The following SPTBN1 variants were observed in gnomAD, a reference collection of about 807,000 sequenced individuals.
SPTBN1 encodes spectrin beta, non-erythrocytic 1.
Under a neutral mutation model 266.4 loss-of-function variants are expected in SPTBN1, and 32 were observed. The observed-to-expected ratio is 0.12, with a 90% CI of 0.09 to 0.16. The LOEUF is 0.16. Among genes scored for constraint, SPTBN1 ranks in the 10% least tolerant of loss-of-function variants. SPTBN1 has a pLI of 1.00. For missense variants in SPTBN1, 2,296 were observed against 3,067.1 expected (o/e 0.75, Z 5.94); for synonymous variants, 1,336 against 1,162.2 (o/e 1.15, Z -3.04).
chr2:54,583,295 T>C (rs892675492), intron 2 of SPTBN1, among the ~76,000 whole-genome samples: 4 of 152,176 alleles, frequency 2.6e-5, no homozygotes. Flanking sequence ...CTGGTGTCAG[T>C]AAACTGTAAA....
intron 17 of SPTBN1, among the ~76,000 whole-genome samples, chr2:54,637,107 T>C (rs1679202015): frequency 1.3e-5 from 2 of 152,248 alleles, no homozygotes; most frequent in South Asian, 4.1e-4. Context: ...TTTCCAGTTC[T>C]TACAAGTTAT....
chr2:54,645,882 T>G lies in SPTBN1; in HGVS notation c.4495-46T>G. Reference sequence around the variant, plus strand: ...CTCACTGCTCGTTTGTGTCGTATATTTGTTCCTCTGAGTGGATCTGACCAC... The same window carrying G: ...CTCACTGCTCGTTTGTGTCGTATATGTGTTCCTCTGAGTGGATCTGACCAC... On this transcript the variant is annotated intron_variant, in intron 21 of 35. Coordinates refer to ENST00000356805, the MANE Select transcript of SPTBN1 (RefSeq NM_003128.3). The surrounding 1 kb of genome is among the most constrained non-coding windows in gnomAD (Gnocchi z 4.3). 6.2e-7 allele frequency: 1 copy of G among 1,602,840 alleles called. No homozygotes were observed. The highest frequency in any genetic ancestry group is 8.5e-7 in the Non-Finnish European group (1 of 1,170,110).
chr2:54,618,405 A>C (rs1181083433), intron 7 of SPTBN1, among the ~76,000 whole-genome samples: 2 of 152,248 alleles, frequency 1.3e-5, no homozygotes, highest in Non-Finnish European at 2.9e-5. Context: ...TCTGAAGGAG[A>C]GCGTGTGCGG....
chr2:54,616,141 G>A (rs554652946), intron 4 of SPTBN1, 66 bp from the exon 5 acceptor site: 3 of 1,386,310 alleles, frequency 2.2e-6, no homozygotes, highest in Non-Finnish European at 2.0e-6. Flanking sequence ...ATGCAGACCT[G>A]TTCTTCAGTG....
intron 24 of SPTBN1, 62 bp downstream of exon 24, chr2:54,647,323 C>A: frequency 6.3e-7 from 1 of 1,577,064 alleles, no homozygotes; most frequent in Non-Finnish European, 8.6e-7. Flanking sequence ...GGGTCTCTTG[C>A]TAACCCCCAC....
At chr2:54,497,966 GA>G (rs1164670606) in intron 1 of SPTBN1, among the ~76,000 whole-genome samples, 3 of 151,886 alleles carry the variant, frequency 2.0e-5, no homozygotes, top group South Asian at 2.1e-4. Flanking sequence ...AATAACAAAG[GA>G]AAAAAACAAG....
At chr2:54,621,622 C>G in intron 8 of SPTBN1, 110 bp downstream of exon 8, 1 of 755,344 alleles carries the variant, frequency 1.3e-6, no homozygotes, top group Non-Finnish European at 2.3e-6. Context: ...GTGGACTCTC[C>G]GGATGGTAGG....
At chr2:54,461,144 C>T (rs140765353) in intron 1 of SPTBN1, among the ~76,000 whole-genome samples, 1 of 152,170 alleles carries the variant, frequency 6.6e-6, no homozygotes, top group African/African-American at 2.4e-5. Context: ...ATTCCCTTCT[C>T]TATGGTTTAT....
chr2:54,578,847 C>G (rs1045281245), intron 2 of SPTBN1, among the ~76,000 whole-genome samples: 1 of 151,592 alleles, frequency 6.6e-6, no homozygotes, highest in Non-Finnish European at 1.5e-5. Context: ...TCATAAGATT[C>G]CTAATAGGAT....
In SPTBN1 at chr2:54,630,941, A is replaced by G. The variant is rs769180098; in HGVS notation, c.2894A>G (p.Asn965Ser). 1.2e-6 allele frequency: 2 copies of G among 1,614,138 alleles called. No individual in the cohort carries two copies. The highest frequency in any genetic ancestry group is 1.1e-5 in the South Asian group (1 of 91,066). The change falls in exon 16 of 36, where the codon AAT becomes AGT. Residue 965 changes from asparagine to serine, a missense_variant. This residue lies in a region of SPTBN1 where 128 missense variants were observed against 176.5 expected (regional missense o/e 0.73). Coordinates refer to ENST00000356805, the MANE Select transcript of SPTBN1 (RefSeq NM_003128.3). ...LSIQNYHLECNETKSWIREKT... is the reference protein window; with the variant it reads ...LSIQNYHLECSETKSWIREKT... ...ATCCAGAACTACCACCTCGAGTGCA[A>G]TGAAACCAAATCCTGGATTCGGGAA...
intron 1 of SPTBN1, among the ~76,000 whole-genome samples, chr2:54,507,052 G>C (rs1669608848): frequency 6.6e-6 from 1 of 152,124 alleles, no homozygotes; most frequent in South Asian, 2.1e-4. Flanking sequence ...GGGGCAGGGG[G>C]TGGATCTCAC....
At chr2:54,498,886 G>A (rs1269538701) in intron 1 of SPTBN1, among the ~76,000 whole-genome samples, 2 of 152,168 alleles carry the variant, frequency 1.3e-5, no homozygotes, top group African/African-American at 2.4e-5. Flanking sequence ...TAACGGTCCC[G>A]CAGTGTTTTC....
At chr2:54,617,515 C>CT in intron 5 of SPTBN1, 93 bp from the exon 6 acceptor site, 1 of 1,161,622 alleles carries the variant, frequency 8.6e-7, no homozygotes, top group Non-Finnish European at 1.3e-6. Flanking sequence ...TTTTACAATG[C>CT]TTACAGACTT....
chr2:54,564,698 G>A (rs961696668), intron 2 of SPTBN1, among the ~76,000 whole-genome samples: 6 of 152,162 alleles, frequency 3.9e-5, no homozygotes. Flanking sequence ...TTGAGGTTCA[G>A]TTCAGATGCC....
intron 2 of SPTBN1, among the ~76,000 whole-genome samples, chr2:54,589,702 C>A (rs1198783881): frequency 6.6e-6 from 1 of 152,198 alleles, no homozygotes; most frequent in Non-Finnish European, 1.5e-5. Context: ...GGACTTCAGT[C>A]AAAAGATTAG....
At chr2:54,557,263 C>T (rs1672936720) in intron 2 of SPTBN1, among the ~76,000 whole-genome samples, 1 of 152,060 alleles carries the variant, frequency 6.6e-6, no homozygotes, top group African/African-American at 2.4e-5. Context: ...GGTGGGGGAC[C>T]ACGTCTTTAC....
Position 54,458,459 on chromosome 2 carries a change from A to G in SPTBN1, c.-48+1941A>G, listed in dbSNP as rs149825286. On this transcript the variant is annotated intron_variant, in intron 1 of 35. Transcript: ENST00000356805. ...GGGCTAAATTGGTATTCAGATTTCT[A>G]TTGATTGAGGTAGCCAAGTTAAGTG... 5.9e-3 allele frequency among the ~76,000 whole-genome samples: 898 copies of G among 152,286 alleles called. 29 individuals carry two copies. The East Asian group carries it at 0.068, about 12-fold the overall frequency.
intron 1 of SPTBN1, among the ~76,000 whole-genome samples, chr2:54,468,638 A>G (rs1426045242): frequency 6.6e-6 from 1 of 152,266 alleles, no homozygotes; most frequent in African/African-American, 2.4e-5. Flanking sequence ...GGGATGTTAA[A>G]GAAAAATGGA....
At chr2:54,522,678 G>GAGA (rs370803474) in intron 1 of SPTBN1, among the ~76,000 whole-genome samples, 55 of 78,380 alleles carry the variant, frequency 7.0e-4, no homozygotes, top group South Asian at 3.2e-3. Context: ...GAGAGAGAGA[G>GAGA]GAGAGAGAGA....
Sources: gnomAD v4.1 joint callset for allele counts (sites outside exome capture counted in the v4.1 genomes callset) on GRCh38, gnomAD v4.1.1 for gene constraint, gnomAD v4.1.1 regional missense constraint, Gnocchi (gnomAD v3.1) non-coding constraint, MANE v1.5 for transcripts, NCBI Gene and HGNC (gene_info 2026-07-23, HGNC 2026-07-21) for gene names.